CCDC191: variants seen among roughly 807,000 people sequenced by gnomAD.
CCDC191 encodes coiled-coil domain containing 191, also known as coiled-coil domain-containing protein 191.
Under a neutral mutation model 114.0 loss-of-function variants are expected in CCDC191, and 99 were observed. That is an observed-to-expected ratio of 0.87 (90% CI 0.74 to 1.03). CCDC191 has a LOEUF of 1.03. CCDC191 is among the 50% of genes least tolerant of loss of function. The pLI is 0.00. For missense variants in CCDC191, 973 were observed against 1,087.0 expected, an observed-to-expected ratio of 0.90 and a Z score of 1.47; for synonymous variants, 351 against 376.0, an observed-to-expected ratio of 0.93 and a Z score of 0.77.
At chr3:114,043,672 A>G (rs1281292326) in intron 3 of CCDC191, among the ~76,000 whole-genome samples, 1 of 152,188 alleles carries the variant, frequency 6.6e-6, no homozygotes, top group Non-Finnish European at 1.5e-5. Context: ...GATATATTTT[A>G]AGAGAATCAC....
intron 7 of CCDC191, among the ~76,000 whole-genome samples, chr3:114,022,688 T>A (rs547777630): frequency 6.6e-6 from 1 of 152,008 alleles, no homozygotes; most frequent in Admixed American, 6.6e-5. Context: ...AAGGGAGCAA[T>A]CCTCAACTTC....
At chr3:114,023,989 T>A (rs922487304) in intron 7 of CCDC191, among the ~76,000 whole-genome samples, 1 of 152,028 alleles carries the variant, frequency 6.6e-6, no homozygotes, top group African/African-American at 2.4e-5. Flanking sequence ...GAATCTACAA[T>A]GAACTCAAAC....
chr3:114,046,562 A>G (rs532354599), intron 3 of CCDC191, 29 bp downstream of exon 3: 2 of 1,298,780 alleles, frequency 1.5e-6, no homozygotes, highest in Non-Finnish European at 2.2e-6. Flanking sequence ...AGAATTGTTA[A>G]CATCGCAGCA....
chr3:114,046,957 T>C (rs1325274525), intron 2 of CCDC191: 7 of 957,828 alleles, frequency 7.3e-6, no homozygotes, highest in Non-Finnish European at 8.7e-6. Flanking sequence ...TTCTAACAGA[T>C]GTTCACAATT....
chr3:113,986,771 C>T (rs1017233000), intron 13 of CCDC191, among the ~76,000 whole-genome samples: 5 of 152,064 alleles, frequency 3.3e-5, no homozygotes, highest in East Asian at 1.9e-4. Context: ...GAAGCGATAC[C>T]GTGGTGTGCT....
chr3:114,049,194 G>A (rs1249510928), intron 2 of CCDC191, among the ~76,000 whole-genome samples: 1 of 152,174 alleles, frequency 6.6e-6, no homozygotes, highest in African/African-American at 2.4e-5. Context: ...TTAGAGTCAA[G>A]AAAATATCAT....
intron 13 of CCDC191, 130 bp from the exon 14 acceptor site, chr3:113,980,923 G>T: frequency 1.3e-6 from 1 of 791,040 alleles, no homozygotes; most frequent in African/African-American, 1.8e-5. Flanking sequence ...CAGAGCTCTG[G>T]ATAATAGGGC....
At chr3:113,998,558 G>A (rs1000413839) in intron 13 of CCDC191, among the ~76,000 whole-genome samples, 1 of 152,070 alleles carries the variant, frequency 6.6e-6, no homozygotes, top group African/African-American at 2.4e-5. Context: ...TTATGCATGG[G>A]CTCAGCAACA....
chr3:114,014,375 C>A (rs188500387), intron 8 of CCDC191, among the ~76,000 whole-genome samples: 1 of 152,288 alleles, frequency 6.6e-6, no homozygotes, highest in South Asian at 2.1e-4. Flanking sequence ...AGATACCATG[C>A]GGCTTCTGGC....
intron 8 of CCDC191, among the ~76,000 whole-genome samples, chr3:114,017,081 TA>T (rs2076170838): frequency 6.6e-6 from 1 of 151,132 alleles, no homozygotes. Flanking sequence ...CCCTCCTGCT[TA>T]AAAAACCTTC....
chr3:114,046,816 A>AT, intron 2 of CCDC191, 84 bp from the exon 3 acceptor site: 1 of 1,460,280 alleles, frequency 6.8e-7, no homozygotes, highest in South Asian at 1.5e-5. Flanking sequence ...CAAGAAACTG[A>AT]TTTTCTACCA....
chr3:113,990,068 T>C (rs1206339539), intron 13 of CCDC191, among the ~76,000 whole-genome samples: 1 of 151,936 alleles, frequency 6.6e-6, no homozygotes, highest in Non-Finnish European at 1.5e-5. Flanking sequence ...GAGAGCAAAC[T>C]CTTAAGGAAG....
At chr3:113,990,677 C>T (rs530169991) in intron 13 of CCDC191, among the ~76,000 whole-genome samples, 178 of 151,336 alleles carry the variant, frequency 1.2e-3, no homozygotes, top group African/African-American at 4.0e-3. Flanking sequence ...TGAATTCTAC[C>T]AAACATTTTA....
chr3:114,003,086 G>A (rs1422184978), intron 11 of CCDC191: 11 of 985,280 alleles, frequency 1.1e-5, no homozygotes, highest in Non-Finnish European at 1.3e-5. Context: ...AGATGGGCAG[G>A]AAATGGAATT....
intron 16 of CCDC191, among the ~76,000 whole-genome samples, chr3:113,977,074 C>T (rs1941417411): frequency 1.3e-5 from 2 of 152,082 alleles, no homozygotes; most frequent in East Asian, 1.9e-4. Context: ...AACACCCATG[C>T]ACAAACATGC....
Position 114,028,632 on chromosome 3 carries a change from A to G in CCDC191, c.972+2994T>C, listed in dbSNP as rs376515528. Among the ~76,000 whole-genome samples, 7 of 152,138 alleles carry G rather than the reference A, an allele frequency of 4.6e-5. No individual in the cohort carries two copies. In the South Asian group the frequency reaches 1.0e-3, roughly 23 times the overall value. On this transcript the variant is annotated intron_variant, in intron 7 of 16. Coordinates refer to ENST00000295878, the MANE Select transcript of CCDC191 (RefSeq NM_020817.2). ...ACTAGGATTACCCTAATAAGTAAAT[A>G]TAATAGAGATAATGAGAGCCAGGTT...
chr3:113,984,852 A>C (rs571479240), intron 13 of CCDC191, among the ~76,000 whole-genome samples: 1 of 152,340 alleles, frequency 6.6e-6, no homozygotes, highest in South Asian at 2.1e-4. Flanking sequence ...TGTTCTGCAT[A>C]AGTTTTCTTC....
intron 16 of CCDC191, among the ~76,000 whole-genome samples, chr3:113,974,857 G>GCTCTCTCAATCTCTCTCTTT (rs1311417512): frequency 6.6e-6 from 1 of 151,856 alleles, no homozygotes; most frequent in African/African-American, 2.4e-5. Context: ...CCTTTCTCTT[G>GCTCTCTCAATCTCTCTCTTT]CTCTCTCAAT....
chr3:113,979,731 C>T (rs1308899864), intron 14 of CCDC191, among the ~76,000 whole-genome samples: 1 of 152,158 alleles, frequency 6.6e-6, no homozygotes, highest in African/African-American at 2.4e-5. Context: ...TCTTGGCAGT[C>T]ATATTTATTG....
Sources: gnomAD v4.1 joint callset for allele counts (sites outside exome capture counted in the v4.1 genomes callset) on GRCh38, gnomAD v4.1.1 for gene constraint, MANE v1.5 for transcripts, NCBI Gene and HGNC (gene_info 2026-07-23, HGNC 2026-07-21) for gene names.